Variants in SEPTIN11 observed in about 807,000 individuals in gnomAD.
The protein encoded by SEPTIN11 is septin 11.
SEPTIN11 carries 25 observed loss-of-function variants against 51.4 expected under a neutral mutation model. The observed-to-expected ratio is 0.49, with a 90% CI of 0.35 to 0.68. The LOEUF (loss-of-function observed/expected upper bound fraction) is 0.68. Ranked by LOEUF, SEPTIN11 falls within the 30% of genes least tolerant of loss-of-function variation. The probability of loss-of-function intolerance (pLI) is 0.00; values close to 1 mark genes in which losing one functional copy is unlikely to be tolerated. For missense variants in SEPTIN11, 381 were observed against 520.8 expected (o/e 0.73, Z 2.61); for synonymous variants, 174 against 184.1 (o/e 0.95, Z 0.44).
intron 1 of SEPTIN11, among the ~76,000 whole-genome samples, chr4:76,988,337 G>C (rs1723156402): frequency 6.6e-6 from 1 of 152,112 alleles, no homozygotes; most frequent in African/African-American, 2.4e-5. Context: ...CCATGAGTTG[G>C]GGAGGCTTTG....
At chr4:76,962,032 T>A (rs1721845571) in intron 1 of SEPTIN11, among the ~76,000 whole-genome samples, 1 of 152,164 alleles carries the variant, frequency 6.6e-6, no homozygotes, top group African/African-American at 2.4e-5. Flanking sequence ...AGGTAAAAAA[T>A]TTTGCTGAAA....
chr4:77,015,528 C>G (rs1409040004), intron 5 of SEPTIN11, among the ~76,000 whole-genome samples: 1 of 152,134 alleles, frequency 6.6e-6, no homozygotes, highest in Non-Finnish European at 1.5e-5. Flanking sequence ...CAGTGGTTCC[C>G]TGTGTGATTG....
intron 1 of SEPTIN11, among the ~76,000 whole-genome samples, chr4:76,950,169 A>G (rs1025334507): frequency 2.6e-5 from 4 of 152,156 alleles, no homozygotes; most frequent in Non-Finnish European, 4.4e-5. Context: ...GGAATGCGAA[A>G]GAAAAAGGAC....
intron 1 of SEPTIN11, among the ~76,000 whole-genome samples, chr4:76,952,168 A>G (rs555558641): frequency 2.0e-5 from 3 of 152,316 alleles, no homozygotes; most frequent in South Asian, 2.1e-4. Context: ...AACAAAGTCA[A>G]TGAATGGGGA....
At position 77,035,510 on chromosome 4, in the gene SEPTIN11, C is replaced by A; in HGVS notation, c.*998C>A. 1.0e-6 allele frequency: 1 copy of A among 985,354 alleles called. No homozygotes were observed. Among genetic ancestry groups the A allele is most frequent in the Non-Finnish European group, 1.2e-6 (1 of 829,916 alleles). The allele number at this position is 985,354 out of a possible 1,614,324, so 61.0% of individuals were successfully genotyped here. On this transcript the variant is annotated 3_prime_UTR_variant, in exon 10 of 10. Transcript: ENST00000264893. ...GCTATAAACTCTGTATCATTGGTAG[C>A]ACAAATTTGAGCGAGGCCTTGTCAA...
rs1727036396 is a variant in SEPTIN11, at chr4:77,036,551, G to A, written c.*2039G>A. 5 of 1,404,190 alleles carry A rather than the reference G, an allele frequency of 3.6e-6. No individual in the cohort carries two copies. The African/African-American group carries it at 5.9e-5, about 17-fold the overall frequency. 87.0% of individuals were successfully genotyped at this position (1,404,190 alleles called of 1,614,324 possible). On this transcript the variant is annotated 3_prime_UTR_variant, in exon 10 of 10. Coordinates refer to ENST00000264893, the MANE Select transcript of SEPTIN11 (RefSeq NM_018243.4). The stretch of plus-strand genomic sequence containing the variant: ...CATCCAGCTGACTTTTTGATTCCAA[G>A]ATTATTGATTGGATTGACTTTTTTG...
chr4:77,018,519 C>G (rs1478827294), intron 5 of SEPTIN11, among the ~76,000 whole-genome samples: 1 of 151,886 alleles, frequency 6.6e-6, no homozygotes, highest in African/African-American at 2.4e-5. Flanking sequence ...GACAGCATAT[C>G]TCATCGTGGA....
At position 77,028,776 on chromosome 4, in the gene SEPTIN11, C is replaced by T; in HGVS notation, c.1086+15C>T. On this transcript the variant is annotated intron_variant, in intron 8 of 9. Transcript: ENST00000264893. ...CAGAGAAAGAGGTAAGCCATCTGTC[C>T]TGCTTCAAGGGAAAGATTTGTAAGA... The T allele has an allele frequency of 6.3e-7, 1 of 1,599,074 alleles. No homozygotes were observed. Among genetic ancestry groups the T allele is most frequent in the East Asian group, 2.2e-5 (1 of 44,530 alleles).
intron 3 of SEPTIN11, chr4:77,009,968 C>T (rs1724748346): frequency 6.6e-6 from 1 of 152,196 alleles, no homozygotes; most frequent in Admixed American, 6.5e-5. Flanking sequence ...AACAGATAAC[C>T]AGCAGAGAAC....
intron 1 of SEPTIN11, among the ~76,000 whole-genome samples, chr4:76,956,049 G>C (rs186522290): frequency 1.1e-4 from 16 of 152,132 alleles, no homozygotes; most frequent in South Asian, 2.1e-4. Context: ...TAAAAGCCAG[G>C]GTTTACTTAA....
intron 1 of SEPTIN11, chr4:76,996,046 T>G: frequency 9.6e-7 from 1 of 1,041,778 alleles, no homozygotes; most frequent in Non-Finnish European, 1.4e-6. Context: ...TCACTATGAG[T>G]TGACAGTAAA....
At chr4:76,953,901 T>C (rs1322328203) in intron 1 of SEPTIN11, among the ~76,000 whole-genome samples, 1 of 152,230 alleles carries the variant, frequency 6.6e-6, no homozygotes, top group South Asian at 2.1e-4. Flanking sequence ...TATCCTGATA[T>C]AATAGTTCTT....
chr4:76,951,240 T>G (rs1389171670), intron 1 of SEPTIN11, among the ~76,000 whole-genome samples: 1 of 152,194 alleles, frequency 6.6e-6, no homozygotes. Flanking sequence ...GGATTCTAAT[T>G]CGATTTGGTG....
chr4:76,959,888 T>G (rs1158092739), intron 1 of SEPTIN11, among the ~76,000 whole-genome samples: 1 of 152,214 alleles, frequency 6.6e-6, no homozygotes, highest in Non-Finnish European at 1.5e-5. Flanking sequence ...GTATATATAT[T>G]TATGGGTTAC....
rs1038102376 is a variant in SEPTIN11, at chr4:77,035,531, G to T, written c.*1019G>T. The T allele has an allele frequency of 1.0e-6, 1 of 985,244 alleles. No individual in the cohort carries two copies. The allele number at this position is 985,244 out of a possible 1,614,324, so 61.0% of individuals were successfully genotyped here. A position where few individuals can be genotyped will look rare whatever the true frequency, so the allele number is the denominator to read the frequency against. On this transcript the variant is annotated 3_prime_UTR_variant, in exon 10 of 10. Coordinates refer to ENST00000264893, the MANE Select transcript of SEPTIN11 (RefSeq NM_018243.4). Reference sequence around the variant, plus strand: ...GTAGCACAAATTTGAGCGAGGCCTTGTCAATTTTAAGGTGGAAATAGGAAG... The same window carrying T: ...GTAGCACAAATTTGAGCGAGGCCTTTTCAATTTTAAGGTGGAAATAGGAAG...
At chr4:77,039,600 T>G (rs1727251423), downstream of SEPTIN11, 2 of 985,134 alleles carry the variant, frequency 2.0e-6, no homozygotes, top group South Asian at 9.4e-5. Flanking sequence ...GAGCAACATT[T>G]TCCTTCCTTT....
chr4:77,000,013 C>T (rs1724012170), intron 2 of SEPTIN11, among the ~76,000 whole-genome samples: 1 of 152,156 alleles, frequency 6.6e-6, no homozygotes, highest in African/African-American at 2.4e-5. Flanking sequence ...ATTTGTATGT[C>T]TTTCTCATCC....
intron 3 of SEPTIN11, among the ~76,000 whole-genome samples, chr4:77,006,558 GC>G (rs1560726980): frequency 6.6e-6 from 1 of 152,114 alleles, no homozygotes. Flanking sequence ...AAATAAAACT[GC>G]CCCAGGTCCA....
intron 1 of SEPTIN11, among the ~76,000 whole-genome samples, chr4:76,993,755 AT>A (rs1365371227): frequency 1.3e-5 from 2 of 152,244 alleles, no homozygotes; most frequent in African/African-American, 4.8e-5. Flanking sequence ...AAATTTACAT[AT>A]TCTATATTAC....
Sources: allele counts gnomAD v4.1 joint callset (sites outside exome capture counted in the v4.1 genomes callset), GRCh38; gene constraint gnomAD v4.1.1; transcripts MANE v1.5; gene names NCBI Gene and HGNC (gene_info 2026-07-23, HGNC 2026-07-21).